Variants in THSD7B observed in about 807,000 individuals in gnomAD.
THSD7B encodes thrombospondin type-1 domain-containing protein 7B.
A neutral mutation model predicts 213.6 loss-of-function variants in THSD7B; 138 were observed. That is an observed-to-expected ratio of 0.65 (90% CI 0.56 to 0.74). The LOEUF (loss-of-function observed/expected upper bound fraction) is 0.74, where lower values mean the gene tolerates loss of function less well. Ranked by LOEUF, THSD7B falls within the 30% of genes least tolerant of loss-of-function variation. THSD7B has a pLI of 0.00. For missense variants in THSD7B, 1,931 were observed against 1,991.5 expected, an observed-to-expected ratio of 0.97 and a Z score of 0.58; for synonymous variants, 742 against 687.0, an observed-to-expected ratio of 1.08 and a Z score of -1.25.
chr2:137,215,029 A>T (rs1028008279), intron 7 of THSD7B, among the ~76,000 whole-genome samples: 13 of 152,160 alleles, frequency 8.5e-5, no homozygotes, highest in Non-Finnish European at 1.8e-4. Context: ...CAATGGTTGA[A>T]CTAATTTACA....
At chr2:136,794,998 C>T (rs1380004528) in intron 1 of THSD7B, among the ~76,000 whole-genome samples, 2 of 151,918 alleles carry the variant, frequency 1.3e-5, no homozygotes, top group African/African-American at 4.8e-5. Flanking sequence ...TGGTTAACAT[C>T]TGCTTGATAT....
intron 12 of THSD7B, among the ~76,000 whole-genome samples, chr2:137,388,556 G>A (rs1685946454): frequency 6.6e-6 from 1 of 151,922 alleles, no homozygotes; most frequent in Admixed American, 6.6e-5. Flanking sequence ...TTGCAATATA[G>A]AAAACATTGT....
chr2:137,092,768 A>G (rs568112656), intron 3 of THSD7B, among the ~76,000 whole-genome samples: 9 of 152,098 alleles, frequency 5.9e-5, no homozygotes, highest in Non-Finnish European at 1.3e-4. Flanking sequence ...CCAAGTAGCT[A>G]GGACTACAGG....
intron 17 of THSD7B, among the ~76,000 whole-genome samples, chr2:137,580,995 T>G (rs1367353125): frequency 6.6e-6 from 1 of 152,158 alleles, no homozygotes; most frequent in African/African-American, 2.4e-5. Context: ...ACATGAGATT[T>G]GGGTGGGGAT....
At chr2:137,577,496 C>T (rs766857945) in intron 17 of THSD7B, among the ~76,000 whole-genome samples, 4 of 151,930 alleles carry the variant, frequency 2.6e-5, no homozygotes, top group South Asian at 4.2e-4. Context: ...CCCTTTGCCC[C>T]GACACCTTCC....
chr2:136,895,675 A>G (rs1683946455), intron 2 of THSD7B, among the ~76,000 whole-genome samples: 1 of 152,058 alleles, frequency 6.6e-6, no homozygotes, highest in Admixed American at 6.6e-5. Context: ...CAAACTTTTT[A>G]GTACATTTAT....
chr2:137,333,908 A>G (rs1320971916), intron 12 of THSD7B, among the ~76,000 whole-genome samples: 1 of 152,168 alleles, frequency 6.6e-6, no homozygotes, highest in Non-Finnish European at 1.5e-5. Context: ...CTCTCACTTG[A>G]TATGACTTAT....
intron 12 of THSD7B, among the ~76,000 whole-genome samples, chr2:137,297,757 G>A (rs969327447): frequency 1.3e-5 from 2 of 152,032 alleles, no homozygotes; most frequent in Non-Finnish European, 2.9e-5. Flanking sequence ...GTTTACCAGG[G>A]GTTTCAGCTG....
chr2:137,296,020 A>G (rs1683454917), intron 12 of THSD7B, among the ~76,000 whole-genome samples: 1 of 152,170 alleles, frequency 6.6e-6, no homozygotes, highest in Non-Finnish European at 1.5e-5. Flanking sequence ...ATAATGGTAC[A>G]ACCTGTTAGA....
At chr2:137,412,387 G>C (rs1262474189) in intron 14 of THSD7B, among the ~76,000 whole-genome samples, 2 of 151,778 alleles carry the variant, frequency 1.3e-5, no homozygotes, top group Non-Finnish European at 2.9e-5. Flanking sequence ...GATCACCTGA[G>C]GTCAGGAGTT....
Position 137,382,482 on chromosome 2 carries a change from G to T in THSD7B, c.2501-23131G>T, listed in dbSNP as rs1164551013. ...CATGGAGCACTTGAGAACGCCAGTAGGTTTTTGGTCCCAATGATGGAAGGG... is the reference window on the plus strand; with the variant it reads ...CATGGAGCACTTGAGAACGCCAGTATGTTTTTGGTCCCAATGATGGAAGGG... On this transcript the variant is annotated intron_variant, in intron 12 of 27. Transcript: ENST00000409968. Among the ~76,000 whole-genome samples, 18 of 152,204 alleles carry T rather than the reference G, an allele frequency of 1.2e-4. 1 individual carries two copies. The highest frequency in any genetic ancestry group is 9.8e-4 in the Admixed American group (15 of 15,284).
At chr2:136,805,746 C>T (rs1400697039) in intron 1 of THSD7B, among the ~76,000 whole-genome samples, 1 of 152,146 alleles carries the variant, frequency 6.6e-6, no homozygotes, top group African/African-American at 2.4e-5. Flanking sequence ...CTTTAATTCC[C>T]ATGGTTTTGT....
intron 2 of THSD7B, among the ~76,000 whole-genome samples, chr2:136,895,994 T>A (rs1014971029): frequency 2.6e-5 from 4 of 152,242 alleles, no homozygotes; most frequent in Admixed American, 6.5e-5. Flanking sequence ...ATAACACATT[T>A]AAAAATATTC....
At position 136,990,796 on chromosome 2, in the gene THSD7B, C is replaced by T. The variant is rs929511437; in HGVS notation, c.140-65624C>T. On this transcript the variant is annotated intron_variant, in intron 2 of 27. Coordinates refer to ENST00000409968, the MANE Select transcript of THSD7B (RefSeq NM_001316349.2). Reference sequence around the variant, plus strand: ...TGAGATGGAGATACTGATTAGGACACGCCACAGTGCCTGGCCGATGGTGTT... The same window carrying T: ...TGAGATGGAGATACTGATTAGGACATGCCACAGTGCCTGGCCGATGGTGTT... 70 of 939,006 alleles carry T rather than the reference C, an allele frequency of 7.5e-5. 1 individual carries two copies. The highest frequency in any genetic ancestry group is 1.7e-4 in the African/African-American group (10 of 58,808). 58.2% of individuals were successfully genotyped at this position (939,006 alleles called of 1,614,324 possible). A position where few individuals can be genotyped will look rare whatever the true frequency, so the allele number is the denominator to read the frequency against.
chr2:137,118,109 A>C (rs1370954951), intron 5 of THSD7B, among the ~76,000 whole-genome samples: 1 of 152,212 alleles, frequency 6.6e-6, no homozygotes, highest in Non-Finnish European at 1.5e-5. Flanking sequence ...TAGAATTGGG[A>C]ATGAAAACGT....
In THSD7B at chr2:137,620,737, C is replaced by G; in HGVS notation, c.3799+11C>G. 2 of 1,595,048 alleles carry G rather than the reference C, an allele frequency of 1.3e-6. No individual in the cohort carries two copies. The highest frequency in any genetic ancestry group is 1.7e-6 in the Non-Finnish European group (2 of 1,163,744). On this transcript the variant is annotated intron_variant, in intron 20 of 27. Coordinates refer to ENST00000409968, the MANE Select transcript of THSD7B (RefSeq NM_001316349.2). The stretch of plus-strand genomic sequence containing the variant: ...CCTGTGGCCATGGAGGTATTGGTTT[C>G]CCCATATTTCCCACTAACTAGTGTA...
chr2:136,877,664 C>T (rs916866571), intron 1 of THSD7B, among the ~76,000 whole-genome samples: 1 of 151,994 alleles, frequency 6.6e-6, no homozygotes, highest in African/African-American at 2.4e-5. Context: ...GCTACCGTAC[C>T]CTTGGAGTGT....
intron 12 of THSD7B, among the ~76,000 whole-genome samples, chr2:137,373,768 T>G (rs1685589102): frequency 6.6e-6 from 1 of 152,224 alleles, no homozygotes; most frequent in South Asian, 2.1e-4. Flanking sequence ...CATGAAGTCC[T>G]TGCCCATGCC....
intron 26 of THSD7B, among the ~76,000 whole-genome samples, chr2:137,664,167 A>G (rs1420071898): frequency 6.6e-6 from 1 of 152,152 alleles, no homozygotes; most frequent in Non-Finnish European, 1.5e-5. Flanking sequence ...AATATCTTTC[A>G]ATCCTAAATT....
Sources: gnomAD v4.1 joint callset for allele counts (sites outside exome capture counted in the v4.1 genomes callset) on GRCh38, gnomAD v4.1.1 for gene constraint, MANE v1.5 for transcripts, NCBI Gene and HGNC (gene_info 2026-07-23, HGNC 2026-07-21) for gene names.